Variants in ZWINT observed in about 807,000 individuals in gnomAD.
The protein encoded by ZWINT is outer kinetochore KNL1 complex subunit ZWINT.
ZWINT carries 41 observed loss-of-function variants against 41.5 expected under a neutral mutation model. The observed-to-expected ratio is 0.99, with a 90% CI of 0.77 to 1.28. ZWINT has a LOEUF of 1.28. Among genes scored for constraint, ZWINT ranks in the 50% most tolerant of loss-of-function variants. The probability of loss-of-function intolerance (pLI) is 0.00; values close to 1 mark genes in which losing one functional copy is unlikely to be tolerated. For missense variants in ZWINT, 369 were observed against 329.7 expected, an observed-to-expected ratio of 1.12 and a Z score of -0.92; for synonymous variants, 132 against 126.8, an observed-to-expected ratio of 1.04 and a Z score of -0.28.
At position 56,358,884 on chromosome 10, in the gene ZWINT, G is replaced by C. The variant is rs779958749; in HGVS notation, c.544C>G (p.Gln182Glu). The C allele has an allele frequency of 2.5e-6, 4 of 1,614,102 alleles. No individual in the cohort carries two copies. In the Admixed American group the frequency reaches 5.0e-5, roughly 20 times the overall value. ...AEVRERKTGT[Q>E]QELDRVFQKL... is the part of the protein sequence containing the mutation. ...TGAAACACCCTGTCAAGCTCCTGCTGAGTCCCTGTCTTACGCTCCCTCACC... is the reference window on the plus strand; with the variant it reads ...TGAAACACCCTGTCAAGCTCCTGCTCAGTCCCTGTCTTACGCTCCCTCACC... The change falls in exon 6 of 9, where the codon CAG becomes GAG. Residue 182 changes from glutamine (Q) to glutamate (E), a missense_variant. By Grantham distance (29) the Gln-to-Glu change is conservative. Transcript: ENST00000373944.
chr10:56,358,459 C>G lies in ZWINT; in HGVS notation c.793G>C (p.Ala265Pro). Residue 265 changes from alanine to proline, a missense_variant and splice_region_variant, in exon 8 of 9, where the codon GCT becomes CCT. Transcript: ENST00000373944. ...MGRDPGVSFKAVGLQPAGDVN... is the reference protein window; with the variant it reads ...MGRDPGVSFKPVGLQPAGDVN... ...TCTCCAGCAGGTTGTAGACCAACAG[C>G]CTTGGAGAAATACAGTATAGACAGT... The G allele has an allele frequency of 6.2e-7, 1 of 1,614,042 alleles. No individual in the cohort carries two copies. The highest frequency in any genetic ancestry group is 2.2e-5 in the East Asian group (1 of 44,870).
intron 1 of ZWINT, 138 bp from the exon 2 acceptor site, chr10:56,360,521 CA>C: frequency 2.7e-6 from 2 of 746,282 alleles, no homozygotes; most frequent in Admixed American, 2.7e-5. Context: ...AGAGTTTACA[CA>C]AGGGCCTGAA....
chr10:56,359,920 C>G, intron 3 of ZWINT, 67 bp from the exon 4 acceptor site: 1 of 1,606,112 alleles, frequency 6.2e-7, no homozygotes, highest in Admixed American at 1.7e-5. Flanking sequence ...CCCTGCAACA[C>G]TGGGCCTCCT....
intron 8 of ZWINT, 83 bp from the exon 9 acceptor site, chr10:56,358,268 T>A: frequency 1.1e-6 from 1 of 948,784 alleles, no homozygotes; most frequent in Non-Finnish European, 1.7e-6. Context: ...GTTCCCACCA[T>A]CCATCTGCTC....
intron 4 of ZWINT, 53 bp from the exon 5 acceptor site, chr10:56,359,585 A>G (rs1452702110): frequency 4.5e-6 from 7 of 1,571,974 alleles, no homozygotes; most frequent in African/African-American, 1.4e-5. Context: ...TTCTGGCTAG[A>G]ATTTTGGGAG....
At chr10:56,361,272 T>G (rs1411458480), upstream of ZWINT, 2 of 1,605,420 alleles carry the variant, frequency 1.2e-6, no homozygotes, top group African/African-American at 2.7e-5. Context: ...CTTCCCACAA[T>G]CCCTAAGATT....
Position 56,359,985 on chromosome 10 carries a change from G to C in ZWINT, c.256+33C>G. ...AAATCCTCCTTCCTTCCCCACTCAG[G>C]TCAGCTGCTACTACAATCCCCTGCC... On this transcript the variant is annotated intron_variant, in intron 3 of 8. Transcript: ENST00000373944. The C allele has an allele frequency of 2.5e-6, 4 of 1,611,908 alleles. No homozygotes were observed. In the South Asian group the frequency reaches 3.3e-5, roughly 13 times the overall value.
chr10:56,358,945 C>T lies in ZWINT; in HGVS notation c.483G>A (p.Glu161=). Reference sequence around the variant, plus strand: ...CCTCCGCCAGATGCTGCAGATGCTTCTCCTGCCAGGAGTGAGCATGCAGAC... The same window carrying T: ...CCTCCGCCAGATGCTGCAGATGCTTTTCCTGCCAGGAGTGAGCATGCAGAC... The part of the protein sequence containing the change: ...AVQNQWQLQQ[E]KHLQHLAEVS... The change falls in exon 6 of 9, where the codon GAG becomes GAA. Residue 161 remains glutamate, a splice_region_variant and synonymous_variant. Transcript: ENST00000373944. The T allele has an allele frequency of 2.3e-5, 37 of 1,614,044 alleles. No homozygotes were observed. The highest frequency in any genetic ancestry group is 3.1e-5 in the Non-Finnish European group (37 of 1,179,992).
intron 5 of ZWINT, 91 bp from the exon 6 acceptor site, chr10:56,359,038 C>T (rs1275139796): frequency 6.8e-7 from 1 of 1,478,998 alleles, no homozygotes; most frequent in Non-Finnish European, 9.1e-7. Flanking sequence ...CAGCTCAGGG[C>T]TCAGGCTCAA....
chr10:56,358,496 A>G, intron 7 of ZWINT, 37 bp from the exon 8 acceptor site: 1 of 1,613,936 alleles, frequency 6.2e-7, no homozygotes, highest in Non-Finnish European at 8.5e-7. Context: ...GGTAAGGCCA[A>G]TCTCCCAGCT....
chr10:56,361,238 T>C lies in ZWINT; in HGVS notation c.-2A>G, dbSNP rs1838331911. On this transcript the variant is annotated 5_prime_UTR_variant, in exon 1 of 9. Transcript: ENST00000373944. Reference sequence around the variant, plus strand: ...CGCCTCTGTCTCCGCTGCCTCCATCTTTCCAGGCGCCGAGTTCAGCTGCCT... The same window carrying C: ...CGCCTCTGTCTCCGCTGCCTCCATCCTTCCAGGCGCCGAGTTCAGCTGCCT... The C allele has an allele frequency of 6.2e-7, 1 of 1,611,946 alleles. No homozygotes were observed. Among genetic ancestry groups the C allele is most frequent in the African/African-American group, 1.3e-5 (1 of 74,946 alleles).
At chr10:56,359,012 C>T (rs1838250271) in intron 5 of ZWINT, 65 bp from the exon 6 acceptor site, 4 of 1,579,554 alleles carry the variant, frequency 2.5e-6, no homozygotes, top group African/African-American at 2.7e-5. Flanking sequence ...TCCCTCCAAC[C>T]CCTCCAGCCT....
chr10:56,359,418 C>G (rs373790438), intron 5 of ZWINT, 58 bp downstream of exon 5: 47 of 1,474,390 alleles, frequency 3.2e-5, no homozygotes, highest in Non-Finnish European at 4.2e-5. Context: ...ACAGGGGACA[C>G]AGCCGATACA....
Position 56,357,934 on chromosome 10 carries a change from A to AC in ZWINT, c.*292dup. On this transcript the variant is annotated 3_prime_UTR_variant, in exon 9 of 9. Transcript: ENST00000373944. ...GCATCATAGGAGGCCCAAGGCCAGT[A>AC]CCCCCTCCCCATCTGCACACCCTGT... is the stretch of plus-strand genomic sequence containing the variant. The AC allele has an allele frequency of 2.5e-6, 1 of 404,642 alleles. No individual in the cohort carries two copies. Among genetic ancestry groups the AC allele is most frequent in the Non-Finnish European group, 5.0e-6 (1 of 201,610 alleles). The allele number at this position is 404,642 out of a possible 1,614,324, so 25.1% of individuals were successfully genotyped here. A position where few individuals can be genotyped will look rare whatever the true frequency, so the allele number is the denominator to read the frequency against.
chr10:56,358,906 C>T lies in ZWINT; in HGVS notation c.522G>A (p.Val174=), dbSNP rs771640197. 21 of 1,614,012 alleles carry T rather than the reference C, an allele frequency of 1.3e-5. No homozygotes were observed. The highest frequency in any genetic ancestry group is 1.8e-5 in the Non-Finnish European group (21 of 1,180,024). The part of the protein sequence containing the change: ...LQHLAEVSAE[V]RERKTGTQQE... ...GCTGAGTCCCTGTCTTACGCTCCCTCACCTCTGCAGAAACCTCCGCCAGAT... is the reference window on the plus strand; with the variant it reads ...GCTGAGTCCCTGTCTTACGCTCCCTTACCTCTGCAGAAACCTCCGCCAGAT... Residue 174 remains valine (V), a synonymous_variant, in exon 6 of 9, where the codon GTG becomes GTA. Coordinates refer to ENST00000373944, the MANE Select transcript of ZWINT (RefSeq NM_007057.4).
chr10:56,359,426 AC>A (rs1194236505), intron 5 of ZWINT, 49 bp downstream of exon 5: 1 of 1,490,760 alleles, frequency 6.7e-7, no homozygotes, highest in Admixed American at 2.3e-5. Context: ...CACAGCCGAT[AC>A]AATGGCATGG....
chr10:56,358,364 A>C lies in ZWINT; in HGVS notation c.*41+13T>G, dbSNP rs778663845. The stretch of plus-strand genomic sequence containing the variant: ...TGCAGTCCAGGGACACCAAGGCCTG[A>C]GTTGGGTCTGACCTTTTCTAGGATC... On this transcript the variant is annotated intron_variant, in intron 8 of 8. Coordinates refer to ENST00000373944, the MANE Select transcript of ZWINT (RefSeq NM_007057.4). The C allele has an allele frequency of 1.9e-6, 3 of 1,608,656 alleles. No individual in the cohort carries two copies. Among genetic ancestry groups the C allele is most frequent in the Non-Finnish European group, 2.6e-6 (3 of 1,175,102 alleles).
chr10:56,359,046 C>G, intron 5 of ZWINT, 99 bp from the exon 6 acceptor site: 1 of 1,433,544 alleles, frequency 7.0e-7, no homozygotes, highest in Non-Finnish European at 9.4e-7. Flanking sequence ...GGCTCAGGCT[C>G]AATGATGAAA....
intron 5 of ZWINT, 46 bp downstream of exon 5, chr10:56,359,430 T>G: frequency 6.7e-7 from 1 of 1,494,488 alleles, no homozygotes; most frequent in Non-Finnish European, 8.9e-7. Flanking sequence ...GCCGATACAA[T>G]GGCATGGTGG....
Sources: allele counts gnomAD v4.1 joint callset, GRCh38; gene constraint gnomAD v4.1.1; transcripts MANE v1.5; gene names NCBI Gene and HGNC (gene_info 2026-07-23, HGNC 2026-07-21).